The following MACROD2 variants were observed in gnomAD, a reference collection of about 807,000 sequenced individuals.
MACROD2 encodes mono-ADP ribosylhydrolase 2, also known as ADP-ribose glycohydrolase MACROD2.
Under a neutral mutation model 70.4 loss-of-function variants are expected in MACROD2, and 36 were observed. The observed-to-expected ratio is 0.51, with a 90% CI of 0.39 to 0.68. The LOEUF is 0.68. MACROD2 is among the 30% of genes least tolerant of loss of function. MACROD2 has a pLI of 0.00. For synonymous variants in MACROD2, 172 were observed against 178.8 expected (o/e 0.96, Z 0.30); for missense variants, 496 against 538.4 (o/e 0.92, Z 0.78).
At chr20:15,806,499 A>G (rs1366801122) in intron 8 of MACROD2, among the ~76,000 whole-genome samples, 1 of 152,118 alleles carries the variant, frequency 6.6e-6, no homozygotes, top group East Asian at 1.9e-4. Context: ...TTTATTTATT[A>G]TATGTCTGTG....
chr20:14,198,938 G>A (rs1370132293), intron 3 of MACROD2, among the ~76,000 whole-genome samples: 1 of 151,992 alleles, frequency 6.6e-6, no homozygotes, highest in African/African-American at 2.4e-5. Flanking sequence ...TCATCATAAT[G>A]CAATTTAAAT....
At chr20:14,674,251 A>T (rs1483793115) in intron 4 of MACROD2, among the ~76,000 whole-genome samples, 1 of 152,140 alleles carries the variant, frequency 6.6e-6, no homozygotes, top group Non-Finnish European at 1.5e-5. Context: ...GGGATTTATA[A>T]CAGACTTTAA....
chr20:14,990,804 G>C (rs905006124), intron 5 of MACROD2, among the ~76,000 whole-genome samples: 2 of 152,070 alleles, frequency 1.3e-5, no homozygotes, highest in South Asian at 4.1e-4. Context: ...GAGCCACCAC[G>C]CCCGGCTGAG....
intron 15 of MACROD2, among the ~76,000 whole-genome samples, chr20:15,998,823 C>T (rs368304843): frequency 6.6e-6 from 1 of 152,072 alleles, no homozygotes; most frequent in Non-Finnish European, 1.5e-5. Flanking sequence ...CTCGGCCTCC[C>T]AAAGTGCTGG....
At chr20:15,797,204 C>T (rs192559703) in intron 8 of MACROD2, among the ~76,000 whole-genome samples, 3,445 of 152,216 alleles carry the variant, frequency 0.023, 146 homozygotes, top group African/African-American at 0.079. Context: ...AGCTCCGCCT[C>T]CCAGGTTCAC....
chr20:14,576,635 C>G (rs62202890), intron 4 of MACROD2, among the ~76,000 whole-genome samples: 2 of 152,004 alleles, frequency 1.3e-5, no homozygotes, highest in East Asian at 3.9e-4. Flanking sequence ...ATGGATCCAA[C>G]GTAAATGTGT....
At chr20:14,578,922 T>C (rs1980799973) in intron 4 of MACROD2, among the ~76,000 whole-genome samples, 1 of 152,208 alleles carries the variant, frequency 6.6e-6, no homozygotes, top group Non-Finnish European at 1.5e-5. Context: ...TTTTCTTCTC[T>C]AAATCTTCTT....
chr20:15,808,191 G>A (rs1182510582), intron 8 of MACROD2, among the ~76,000 whole-genome samples: 4 of 152,148 alleles, frequency 2.6e-5, no homozygotes, highest in African/African-American at 4.8e-5. Context: ...GCTCCCGGCC[G>A]AATAAACCCC....
chr20:14,782,702 T>TCTCTGCCCAACTTCTCC (rs1279487465), intron 5 of MACROD2, among the ~76,000 whole-genome samples: 11 of 152,074 alleles, frequency 7.2e-5, no homozygotes, highest in Non-Finnish European at 1.6e-4. Flanking sequence ...GATGACCGCC[T>TCTCTGCCCAACTTCTCC]CTCTGCCCAA....
intron 5 of MACROD2, among the ~76,000 whole-genome samples, chr20:14,878,588 T>G (rs2073576343): frequency 6.6e-6 from 1 of 152,190 alleles, no homozygotes; most frequent in Non-Finnish European, 1.5e-5. Flanking sequence ...TGAACACATA[T>G]CATTTGCTTA....
At chr20:14,097,988 A>T (rs935270110) in intron 3 of MACROD2, among the ~76,000 whole-genome samples, 7 of 152,180 alleles carry the variant, frequency 4.6e-5, no homozygotes, top group African/African-American at 1.7e-4. Flanking sequence ...CATTTCGGAT[A>T]TTGGATTTTT....
chr20:14,035,076 T>G (rs1268943975), intron 2 of MACROD2, among the ~76,000 whole-genome samples: 1 of 152,208 alleles, frequency 6.6e-6, no homozygotes, highest in Non-Finnish European at 1.5e-5. Context: ...AGGTAAGTGT[T>G]GATTTTCAAA....
At position 16,052,471 on chromosome 20, in the gene MACROD2, G is replaced by A. The variant is rs1238278; in HGVS notation, c.*2595G>A. 0.73 allele frequency: 110,391 copies of A among 152,258 alleles called. 40,073 individuals carry two copies. The highest frequency in any genetic ancestry group is 0.75 in the Non-Finnish European group (50,940 of 68,004). The allele number at this position is 152,258 out of a possible 1,614,324, so 9.4% of individuals were successfully genotyped here. A position where few individuals can be genotyped will look rare whatever the true frequency, so the allele number is the denominator to read the frequency against. On this transcript the variant is annotated 3_prime_UTR_variant, in exon 18 of 18. Coordinates refer to ENST00000684519, the MANE Select transcript of MACROD2 (RefSeq NM_001351661.2). ...GAGGGAGGGAGGAAAATAGCCCTATGTTAGTCATGTTTGCATACAGAGGAT... is the reference window on the plus strand; with the variant it reads ...GAGGGAGGGAGGAAAATAGCCCTATATTAGTCATGTTTGCATACAGAGGAT...
chr20:16,027,135 T>C (rs1304498911), intron 15 of MACROD2, among the ~76,000 whole-genome samples: 1 of 152,158 alleles, frequency 6.6e-6, no homozygotes, highest in Non-Finnish European at 1.5e-5. Flanking sequence ...AAAAAAATTC[T>C]ATCATTTTTC....
intron 5 of MACROD2, among the ~76,000 whole-genome samples, chr20:14,862,664 TATAA>T (rs1486707897): frequency 1.5e-4 from 7 of 45,382 alleles, no homozygotes; most frequent in African/African-American, 5.2e-4. Context: ...TAAATATATA[TATAA>T]ATATATATAA....
At chr20:14,653,798 A>G (rs1231799962) in intron 4 of MACROD2, among the ~76,000 whole-genome samples, 1 of 152,146 alleles carries the variant, frequency 6.6e-6, no homozygotes, top group Non-Finnish European at 1.5e-5. Context: ...GCTCATTCCA[A>G]GGCAAACTGG....
intron 5 of MACROD2, among the ~76,000 whole-genome samples, chr20:15,195,629 G>C (rs1601205818): frequency 6.6e-6 from 1 of 152,192 alleles, no homozygotes; most frequent in African/African-American, 2.4e-5. Flanking sequence ...TTACACTGTT[G>C]GTCGGAGTAT....
intron 10 of MACROD2, among the ~76,000 whole-genome samples, chr20:15,932,182 C>G (rs1601159177): frequency 6.6e-6 from 1 of 152,278 alleles, no homozygotes; most frequent in South Asian, 2.1e-4. Flanking sequence ...CAGGTCTGGC[C>G]CTTCATGCTC....
intron 10 of MACROD2, among the ~76,000 whole-genome samples, chr20:15,916,778 G>A (rs1341682076): frequency 6.6e-6 from 1 of 152,224 alleles, no homozygotes; most frequent in Non-Finnish European, 1.5e-5. Flanking sequence ...GCAGTTGGAG[G>A]TTATCTTAAC....
Sources: allele counts gnomAD v4.1 joint callset (sites outside exome capture counted in the v4.1 genomes callset), GRCh38; gene constraint gnomAD v4.1.1; transcripts MANE v1.5; gene names NCBI Gene and HGNC (gene_info 2026-07-23, HGNC 2026-07-21).